The following ERGIC2 variants were observed in gnomAD, a reference collection of about 807,000 sequenced individuals.
ERGIC2 encodes the protein endoplasmic reticulum-Golgi intermediate compartment protein 2.
In ERGIC2, 31 loss-of-function variants were observed where a neutral mutation model predicts 52.5. The observed-to-expected ratio is 0.59, with a 90% CI of 0.44 to 0.80. The LOEUF is 0.80. Ranked by LOEUF, ERGIC2 falls within the 30% of genes least tolerant of loss-of-function variation. ERGIC2 has a pLI of 0.00. For synonymous variants in ERGIC2, 129 were observed against 140.6 expected, an observed-to-expected ratio of 0.92 and a Z score of 0.58; for missense variants, 395 against 455.2, an observed-to-expected ratio of 0.87 and a Z score of 1.20.
intron 6 of ERGIC2, among the ~76,000 whole-genome samples, chr12:29,361,016 A>G (rs11050209): frequency 0.35 from 53,412 of 152,078 alleles, 11,266 homozygotes; most frequent in African/African-American, 0.6. Context: ...GGAGGCCAAC[A>G]TGGGCGGATC....
intron 3 of ERGIC2, among the ~76,000 whole-genome samples, chr12:29,369,175 G>C (rs780612767): frequency 2.2e-4 from 33 of 152,022 alleles, no homozygotes; most frequent in Middle Eastern, 3.4e-3. Context: ...TAGGAACCAG[G>C]AGTAGGCCAA....
At chr12:29,369,909 C>A (rs1451596540) in intron 3 of ERGIC2, among the ~76,000 whole-genome samples, 2 of 151,810 alleles carry the variant, frequency 1.3e-5, no homozygotes, top group Non-Finnish European at 2.9e-5. Context: ...AATCAAAGAA[C>A]CTCAGTTTTA....
rs79928336 is a variant in ERGIC2, at chr12:29,365,386, A to G, written c.333+1491T>C. ...AACCATACACCATATGTTCTCATTT[A>G]TAAGTGGGAGCTAAACGCTGGGTAC... On this transcript the variant is annotated intron_variant, in intron 5 of 13. Transcript: ENST00000360150. Among the ~76,000 whole-genome samples the G allele has an allele frequency of 0.01, 1,544 of 152,210 alleles. 84 individuals are homozygous for G. The East Asian group carries it at 0.15, about 15-fold the overall frequency.
intron 8 of ERGIC2, among the ~76,000 whole-genome samples, chr12:29,355,425 A>G (rs1485960169): frequency 6.6e-6 from 1 of 152,220 alleles, no homozygotes; most frequent in South Asian, 2.1e-4. Context: ...TTTCTAGCAC[A>G]GTACTTTGCA....
intron 3 of ERGIC2, 81 bp downstream of exon 3, chr12:29,370,013 AAACCAAATCTAGAAGGTTAG>A: frequency 8.7e-7 from 1 of 1,152,308 alleles, no homozygotes; most frequent in Non-Finnish European, 1.1e-6. Flanking sequence ...GAACTAAAAC[AAACCAAATCTAGAAGGTTAG>A]ACTTTTTCTT....
intron 1 of ERGIC2, chr12:29,380,770 G>C (rs1000787998): frequency 1.8e-4 from 27 of 152,356 alleles, no homozygotes; most frequent in African/African-American, 6.5e-4. Context: ...GATCCTACTC[G>C]CCTGCGGACT....
intron 8 of ERGIC2, among the ~76,000 whole-genome samples, chr12:29,350,744 A>G (rs1940119696): frequency 6.6e-6 from 1 of 152,090 alleles, no homozygotes; most frequent in African/African-American, 2.4e-5. Context: ...TTGTATTTGC[A>G]TCAATGTCTG....
Position 29,354,576 on chromosome 12 carries a change from G to A in ERGIC2, c.572+1806C>T, listed in dbSNP as rs192004848. 3.7e-3 allele frequency among the ~76,000 whole-genome samples: 563 copies of A among 152,170 alleles called. 10 individuals are homozygous for A. Among genetic ancestry groups the A allele is most frequent in the African/African-American group, 0.013 (545 of 41,544 alleles). The stretch of plus-strand genomic sequence containing the variant: ...ACATTGTGTCTGAGAGGTAATATGA[G>A]ACCTTCAAAAAGATCAATATTGAAC... On this transcript the variant is annotated intron_variant, in intron 8 of 13. Coordinates refer to ENST00000360150, the MANE Select transcript of ERGIC2 (RefSeq NM_016570.3).
chr12:29,345,576 G>A, intron 10 of ERGIC2, 36 bp from the exon 11 acceptor site: 1 of 1,046,860 alleles, frequency 9.6e-7, no homozygotes, highest in Non-Finnish European at 1.5e-6. Context: ...CAATTCAGTA[G>A]CAACAAAACT....
chr12:29,364,968 T>C (rs1189364373), intron 5 of ERGIC2, among the ~76,000 whole-genome samples: 2 of 149,224 alleles, frequency 1.3e-5, no homozygotes, highest in Non-Finnish European at 3.0e-5. Context: ...AAAAAAGATG[T>C]TGGAGAGGCT....
chr12:29,376,554 C>T (rs1413617040), intron 1 of ERGIC2, among the ~76,000 whole-genome samples: 1 of 152,206 alleles, frequency 6.6e-6, no homozygotes, highest in East Asian at 1.9e-4. Context: ...CACCCATGAG[C>T]AAGGTCAACC....
chr12:29,360,856 G>A (rs1251713642), intron 6 of ERGIC2, among the ~76,000 whole-genome samples: 2 of 151,470 alleles, frequency 1.3e-5, no homozygotes, highest in African/African-American at 2.4e-5. Context: ...ACTGTAAGAA[G>A]AATTATCTTG....
At chr12:29,379,215 A>T (rs568436066) in intron 1 of ERGIC2, among the ~76,000 whole-genome samples, 1 of 152,302 alleles carries the variant, frequency 6.6e-6, no homozygotes, top group African/African-American at 2.4e-5. Context: ...AATTAAAGTT[A>T]AAAAGTATTA....
chr12:29,354,750 CAA>C (rs1247300460), intron 8 of ERGIC2, among the ~76,000 whole-genome samples: 1 of 152,104 alleles, frequency 6.6e-6, no homozygotes, highest in African/African-American at 2.4e-5. Context: ...AGACCAAAAA[CAA>C]ATTTTAAAAA....
chr12:29,357,486 G>GT, intron 7 of ERGIC2, 137 bp downstream of exon 7: 1 of 531,396 alleles, frequency 1.9e-6, no homozygotes, highest in East Asian at 3.2e-5. Context: ...AGCAAAAGGC[G>GT]TCTTTATAGT....
At chr12:29,360,754 G>A (rs1297514380) in intron 6 of ERGIC2, among the ~76,000 whole-genome samples, 2 of 151,252 alleles carry the variant, frequency 1.3e-5, no homozygotes, top group Non-Finnish European at 2.9e-5. Flanking sequence ...GGTTATTACT[G>A]CTAGTCAGTG....
intron 8 of ERGIC2, 142 bp from the exon 9 acceptor site, chr12:29,350,210 A>C: frequency 5.3e-6 from 3 of 565,452 alleles, no homozygotes; most frequent in Non-Finnish European, 9.6e-6. Flanking sequence ...TTGACTGAGC[A>C]GACAAGTCTA....
Position 29,361,956 on chromosome 12 carries a change from A to G in ERGIC2, c.334-271T>C, listed in dbSNP as rs937792594. Among the ~76,000 whole-genome samples, 3 of 152,216 alleles carry G rather than the reference A, an allele frequency of 2.0e-5. No individual in the cohort carries two copies. The South Asian group carries it at 6.2e-4, about 31-fold the overall frequency. ...AATATATGCAAGTTGACAATTTATC[A>G]TATGTACAAAATGGTATCCTAGGGC... On this transcript the variant is annotated intron_variant, in intron 5 of 13. Coordinates refer to ENST00000360150, the MANE Select transcript of ERGIC2 (RefSeq NM_016570.3).
chr12:29,361,049 C>G (rs1940278382), intron 6 of ERGIC2, among the ~76,000 whole-genome samples: 1 of 152,158 alleles, frequency 6.6e-6, no homozygotes, highest in African/African-American at 2.4e-5. Context: ...GAGTTCAAGA[C>G]CAGCCTAGTC....
Sources: allele counts gnomAD v4.1 joint callset (sites outside exome capture counted in the v4.1 genomes callset), GRCh38; gene constraint gnomAD v4.1.1; transcripts MANE v1.5; gene names NCBI Gene and HGNC (gene_info 2026-07-23, HGNC 2026-07-21).